MCPH1: variants seen among roughly 807,000 people sequenced by gnomAD.
MCPH1 encodes the protein microcephalin.
In MCPH1, 104 loss-of-function variants were observed where a neutral mutation model predicts 84.5. The observed-to-expected ratio is 1.23, with a 90% CI of 1.05 to 1.45. The LOEUF is 1.45. Among genes scored for constraint, MCPH1 ranks in the 40% most tolerant of loss-of-function variants. The pLI, the probability that MCPH1 is intolerant of heterozygous loss-of-function variation, is 0.00. For missense variants in MCPH1, 1,498 were observed against 1,005.7 expected, an observed-to-expected ratio of 1.49 and a Z score of -6.62; for synonymous variants, 514 against 366.8, an observed-to-expected ratio of 1.40 and a Z score of -4.58.
chr8:6,428,166 T>G (rs1357923210), intron 3 of MCPH1, among the ~76,000 whole-genome samples: 1 of 152,202 alleles, frequency 6.6e-6, no homozygotes, highest in African/African-American at 2.4e-5. Context: ...TTTACTCTTT[T>G]GTAATGCCTT....
At chr8:6,564,583 G>GTTT (rs1554456437) in intron 12 of MCPH1, among the ~76,000 whole-genome samples, 4 of 151,734 alleles carry the variant, frequency 2.6e-5, no homozygotes, top group South Asian at 2.1e-4. Context: ...CCTTTGCTGC[G>GTTT]GTTTATCTCT....
Position 6,445,286 on chromosome 8 carries a change from G to T in MCPH1, c.1564G>T (p.Gly522Ter). The change falls in exon 8 of 14, where the codon GGA (glycine) becomes TGA (stop). Residue 522 changes from glycine to a stop codon, truncating the protein, a stop_gained. Transcript: ENST00000344683. LOFTEE classifies it high-confidence loss of function. ...QAGKEDACPEGNGFSYTIEDP... is the reference protein window; with the variant it reads ...QAGKEDACPE ...TGGGAAAGAAGACGCATGCCCAGAG[G>T]GAAATGGCTTTTCTTACACCATTGA... 6.2e-7 allele frequency: 1 copy of T among 1,614,204 alleles called. No individual in the cohort carries two copies. The highest frequency in any genetic ancestry group is 8.5e-7 in the Non-Finnish European group (1 of 1,180,042).
chr8:6,527,495 G>A lies in MCPH1; in HGVS notation c.2214+27566G>A, dbSNP rs922726306. On this transcript the variant is annotated intron_variant, in intron 12 of 13. Coordinates refer to ENST00000344683, the MANE Select transcript of MCPH1 (RefSeq NM_024596.5). ...TTCTGATAATTCATCATTTGAGACC[G>A]ACTTTCATATCTGGAAAGTGTGCAG... The A allele has an allele frequency of 3.8e-5, 60 of 1,569,556 alleles. 1 individual carries two copies. Among genetic ancestry groups the A allele is most frequent in the South Asian group, 3.8e-4 (33 of 87,458 alleles).
At chr8:6,640,095 TGTGCGCGCGC>T (rs1166786577) in intron 13 of MCPH1, among the ~76,000 whole-genome samples, 8 of 138,564 alleles carry the variant, frequency 5.8e-5, no homozygotes, top group Non-Finnish European at 9.2e-5. Flanking sequence ...TGTGTGTGTG[TGTGCGCGCGC>T]GTGTGTGTGT....
At chr8:6,455,835 C>T (rs767666285) in intron 9 of MCPH1, among the ~76,000 whole-genome samples, 3 of 152,122 alleles carry the variant, frequency 2.0e-5, no homozygotes, top group Non-Finnish European at 4.4e-5. Context: ...ATATATTATA[C>T]CTTGTGCCTC....
chr8:6,533,178 G>A (rs1254181315), intron 12 of MCPH1, among the ~76,000 whole-genome samples: 1 of 152,102 alleles, frequency 6.6e-6, no homozygotes, highest in Non-Finnish European at 1.5e-5. Flanking sequence ...ATCACCTAAC[G>A]TGCCATGGGC....
In MCPH1 at chr8:6,436,314, C is replaced by T. The variant is rs936208158; in HGVS notation, c.436+152C>T. On this transcript the variant is annotated intron_variant, in intron 5 of 13. Transcript: ENST00000344683. ...GAGAAAACAAAATGTCAGGAGCCTG[C>T]GGGAGACTTGGCTGGGAGCCATAAT... is the stretch of plus-strand genomic sequence containing the variant. The T allele has an allele frequency of 7.9e-5, 68 of 856,140 alleles. No individual in the cohort carries two copies. The African/African-American group carries it at 8.6e-4, about 11-fold the overall frequency. 53.0% of individuals were successfully genotyped at this position (856,140 alleles called of 1,614,324 possible).
rs969211350 is a variant in MCPH1 at position 6,645,330 on chromosome 8, C to T, written c.*2281C>T. 6.6e-6 allele frequency: 1 copy of T among 152,100 alleles called. No individual in the cohort carries two copies. Among genetic ancestry groups the T allele is most frequent in the Non-Finnish European group, 1.5e-5 (1 of 68,004 alleles). 9.4% of individuals were successfully genotyped at this position (152,100 alleles called of 1,614,324 possible). On this transcript the variant is annotated 3_prime_UTR_variant, in exon 14 of 14. Transcript: ENST00000344683. The stretch of plus-strand genomic sequence containing the variant: ...TACACTAAGCACATTATATGTTGTA[C>T]TTCATTTTACCCTTTCAACAATCCT...
intron 12 of MCPH1, among the ~76,000 whole-genome samples, chr8:6,601,431 G>C (rs1048241358): frequency 5.0e-4 from 76 of 151,896 alleles, no homozygotes; most frequent in African/African-American, 1.7e-3. Flanking sequence ...CCGGCTGCCC[G>C]TACGGGACTG....
intron 9 of MCPH1, among the ~76,000 whole-genome samples, chr8:6,469,932 C>G (rs1025361966): frequency 6.6e-6 from 1 of 152,108 alleles, no homozygotes; most frequent in Non-Finnish European, 1.5e-5. Context: ...TCTCACTGGT[C>G]GTTGGATTCT....
chr8:6,479,924 G>C (rs1045056334), intron 10 of MCPH1, among the ~76,000 whole-genome samples: 1 of 152,076 alleles, frequency 6.6e-6, no homozygotes, highest in Non-Finnish European at 1.5e-5. Context: ...TTAATAAAAA[G>C]GGTCTTTTTT....
At chr8:6,522,130 C>A (rs887396548) in intron 12 of MCPH1, among the ~76,000 whole-genome samples, 1 of 151,654 alleles carries the variant, frequency 6.6e-6, no homozygotes, top group Non-Finnish European at 1.5e-5. Flanking sequence ...CCGAGGCGGG[C>A]GGATCACGAG....
At chr8:6,479,977 T>C (rs1331262289) in intron 10 of MCPH1, among the ~76,000 whole-genome samples, 2 of 152,092 alleles carry the variant, frequency 1.3e-5, no homozygotes, top group East Asian at 1.9e-4. Context: ...TCAATAAATA[T>C]TACATTTTCA....
At position 6,439,544 on chromosome 8, in the gene MCPH1, C is replaced by CTGGCTAATTTTTTTTTGTTTTTT. The variant is rs540364774; in HGVS notation, c.580+451_580+473dup. 2.6e-3 allele frequency among the ~76,000 whole-genome samples: 390 copies of CTGGCTAATTTTTTTTTGTTTTTT among 151,980 alleles called. 3 individuals are homozygous for CTGGCTAATTTTTTTTTGTTTTTT. Among genetic ancestry groups the CTGGCTAATTTTTTTTTGTTTTTT allele is most frequent in the African/African-American group, 8.9e-3 (369 of 41,428 alleles). The stretch of plus-strand genomic sequence containing the variant: ...GGATTACAGGCGCCTGTCACCACTC[C>CTGGCTAATTTTTTTTTGTTTTTT]TGGCTAATTTTTTTTTGTTTTTTTG... On this transcript the variant is annotated intron_variant, in intron 6 of 13. Coordinates refer to ENST00000344683, the MANE Select transcript of MCPH1 (RefSeq NM_024596.5).
At position 6,444,615 on chromosome 8, in the gene MCPH1, AAG is replaced by A; in HGVS notation, c.895_896del (p.Glu299AsnfsTer10). 6.2e-7 allele frequency: 1 copy of A among 1,614,206 alleles called. No homozygotes were observed. The highest frequency in any genetic ancestry group is 2.2e-5 in the East Asian group (1 of 44,894). On this transcript the variant is annotated frameshift_variant, in exon 8 of 14. Coordinates refer to ENST00000344683, the MANE Select transcript of MCPH1 (RefSeq NM_024596.5). LOFTEE classifies it high-confidence loss of function. ...AAATTTCTGAGTAATCTTTCAAAGG[AAG>A]AAATAAACTTGCAAAGAAATATTGC...
rs1811821519 is a variant in MCPH1 at position 6,499,915 on chromosome 8, T to C, written c.2200T>C (p.Phe734Leu). 2.5e-6 allele frequency: 4 copies of C among 1,613,666 alleles called. No individual in the cohort carries two copies. The highest frequency in any genetic ancestry group is 3.4e-6 in the Non-Finnish European group (4 of 1,179,882). ...SEEPFELSHHFPAAPLCRSEC... is the reference protein window; with the variant it reads ...SEEPFELSHHLPAAPLCRSEC... ...GGAGCCGTTCGAACTGTCTCACCAC[T>C]TCCCTGCAGCTCCCGTAAGTCAGAT... The change falls in exon 12 of 14, where the codon TTC becomes CTC. Residue 734 changes from phenylalanine (F) to leucine (L), a missense_variant. By Grantham distance (22) the Phe-to-Leu change is conservative. Coordinates refer to ENST00000344683, the MANE Select transcript of MCPH1 (RefSeq NM_024596.5).
chr8:6,474,512 A>T (rs1455581220), intron 9 of MCPH1, among the ~76,000 whole-genome samples: 2 of 152,226 alleles, frequency 1.3e-5, no homozygotes, highest in African/African-American at 4.8e-5. Context: ...ACAGAGCAAG[A>T]CCCTGTCTCT....
At chr8:6,411,647 C>A (rs147829806) in intron 2 of MCPH1, among the ~76,000 whole-genome samples, 1 of 152,194 alleles carries the variant, frequency 6.6e-6, no homozygotes, top group African/African-American at 2.4e-5. Flanking sequence ...ACAGTTACAG[C>A]CACAGTGCGT....
rs116228334 is a variant in MCPH1, at chr8:6,563,583, T to C, written c.2215-57871T>C. Among the ~76,000 whole-genome samples, 1,334 of 152,358 alleles carry C rather than the reference T, an allele frequency of 8.8e-3. 23 individuals carry two copies. The highest frequency in any genetic ancestry group is 0.031 in the African/African-American group (1,279 of 41,590). On this transcript the variant is annotated intron_variant, in intron 12 of 13. Coordinates refer to ENST00000344683, the MANE Select transcript of MCPH1 (RefSeq NM_024596.5). ...AATATCTGAGGTAATAACTTTAATGTTGAAGTACAATGAAAGTTCCTGTTT... is the reference window on the plus strand; with the variant it reads ...AATATCTGAGGTAATAACTTTAATGCTGAAGTACAATGAAAGTTCCTGTTT...
Sources: allele counts gnomAD v4.1 joint callset (sites outside exome capture counted in the v4.1 genomes callset), GRCh38; gene constraint gnomAD v4.1.1; transcripts MANE v1.5; gene names NCBI Gene and HGNC (gene_info 2026-07-23, HGNC 2026-07-21).